TDP1: variants seen among roughly 807,000 people sequenced by gnomAD.
TDP1 encodes the protein tyr-DNA phosphodiesterase 1.
Under a neutral mutation model 81.5 loss-of-function variants are expected in TDP1, and 64 were observed. The observed-to-expected ratio is 0.79, with a 90% CI of 0.64 to 0.97. TDP1 has a LOEUF of 0.97. Among genes scored for constraint, TDP1 ranks in the 50% least tolerant of loss-of-function variants. The pLI is 0.00. For synonymous variants in TDP1, 256 were observed against 264.3 expected, an observed-to-expected ratio of 0.97 and a Z score of 0.30; for missense variants, 723 against 743.8, an observed-to-expected ratio of 0.97 and a Z score of 0.33.
intron 9 of TDP1, 45 bp downstream of exon 9, chr14:89,984,728 A>T (rs1297786354): frequency 6.2e-7 from 1 of 1,608,754 alleles, no homozygotes; most frequent in Non-Finnish European, 8.5e-7. Context: ...ATAGGCTTAT[A>T]CCTTGGGAGC....
chr14:90,032,133 A>G lies in TDP1; in HGVS notation c.1645-973A>G, dbSNP rs908465404. Among the ~76,000 whole-genome samples the G allele has an allele frequency of 5.3e-5, 8 of 152,340 alleles. No homozygotes were observed. The South Asian group carries it at 6.2e-4, about 12-fold the overall frequency. ...GTGTCGAATGAACGAATGTGCAGACATCAGTCATTTACTCAGCTTAATAAA... is the reference window on the plus strand; with the variant it reads ...GTGTCGAATGAACGAATGTGCAGACGTCAGTCATTTACTCAGCTTAATAAA... On this transcript the variant is annotated intron_variant, in intron 15 of 16. Coordinates refer to ENST00000335725, the MANE Select transcript of TDP1 (RefSeq NM_018319.4).
intron 14 of TDP1, among the ~76,000 whole-genome samples, chr14:90,012,476 A>C (rs1884821167): frequency 6.6e-6 from 1 of 150,718 alleles, no homozygotes; most frequent in Non-Finnish European, 1.5e-5. Context: ...GTTCTCCATG[A>C]GGGCCTCGTC....
rs148252548 is a variant in TDP1, at chr14:89,981,155, A to G, written c.884+523A>G. Among the ~76,000 whole-genome samples the G allele has an allele frequency of 8.5e-5, 13 of 152,328 alleles. No homozygotes were observed. In the East Asian group the frequency reaches 2.5e-3, roughly 29 times the overall value. On this transcript the variant is annotated intron_variant, in intron 8 of 16. Coordinates refer to ENST00000335725, the MANE Select transcript of TDP1 (RefSeq NM_018319.4). The stretch of plus-strand genomic sequence containing the variant: ...TGGGGTAGGGCCTGGTCATGTTAAT[A>G]GTGTGCTAAATATTTCCCCACTCCC...
Position 89,988,981 on chromosome 14 carries a change from C to G in TDP1, c.1208C>G (p.Ser403Cys). 1.2e-6 allele frequency: 2 copies of G among 1,614,148 alleles called. No individual in the cohort carries two copies. Among genetic ancestry groups the G allele is most frequent in the Non-Finnish European group, 1.7e-6 (2 of 1,180,022 alleles). ...PVVGQFSSVG[S>C]LGADESKWLC... ...GTAGGTCAGTTTTCAAGCGTTGGCTCCTTGGGAGCCGATGAATCAAAGTGG... is the reference window on the plus strand; with the variant it reads ...GTAGGTCAGTTTTCAAGCGTTGGCTGCTTGGGAGCCGATGAATCAAAGTGG... Residue 403 changes from serine to cysteine, a missense_variant, in exon 11 of 17, where the codon TCC becomes TGC. Ser to Cys is a moderately radical substitution (Grantham distance 112). Coordinates refer to ENST00000335725, the MANE Select transcript of TDP1 (RefSeq NM_018319.4).
chr14:90,011,071 A>G (rs561234365), intron 14 of TDP1, among the ~76,000 whole-genome samples: 1 of 152,098 alleles, frequency 6.6e-6, no homozygotes, highest in East Asian at 1.9e-4. Context: ...GTCTCATGAG[A>G]TCTGATGGTT....
In TDP1 at chr14:89,963,646, T is replaced by TATA; in HGVS notation, c.534_536dup (p.Asn179dup). The TATA allele has an allele frequency of 6.2e-7, 1 of 1,614,038 alleles. No individual in the cohort carries two copies. Among genetic ancestry groups the TATA allele is most frequent in the Non-Finnish European group, 8.5e-7 (1 of 1,179,948 alleles). On this transcript the variant is annotated inframe_insertion, in exon 3 of 17. Coordinates refer to ENST00000335725, the MANE Select transcript of TDP1 (RefSeq NM_018319.4). Reference sequence around the variant, plus strand: ...TAGAGTCTCTGGAGTTAAGCCAAAGTATAACTCTGGAGCCCTCCACATCAA... The same window carrying TATA: ...TAGAGTCTCTGGAGTTAAGCCAAAGTATAATAACTCTGGAGCCCTCCACATCAA...
At chr14:89,984,223 G>T (rs1734429059) in intron 8 of TDP1, 1 of 985,446 alleles carries the variant, frequency 1.0e-6, no homozygotes, top group South Asian at 4.7e-5. Flanking sequence ...GGAGCAATAA[G>T]GAAGGTTTGG....
intron 4 of TDP1, chr14:89,966,855 C>A: frequency 8.0e-6 from 3 of 372,790 alleles, no homozygotes; most frequent in Non-Finnish European, 1.1e-5. Flanking sequence ...AAGACCAGTA[C>A]AGAACTTGCA....
intron 1 of TDP1, 195 bp from the exon 2 acceptor site, chr14:89,956,383 T>C (rs1482846190): frequency 6.6e-6 from 1 of 152,228 alleles, no homozygotes; most frequent in East Asian, 1.9e-4. Context: ...CGGTACGTAG[T>C]ATAGAGTTGT....
chr14:89,960,309 TAAAA>T (rs1892175689), intron 2 of TDP1, among the ~76,000 whole-genome samples: 1 of 152,138 alleles, frequency 6.6e-6, no homozygotes, highest in Admixed American at 6.5e-5. Context: ...TAAAAACATT[TAAAA>T]AACCACCTCT....
Position 89,977,455 on chromosome 14 carries a change from G to A in TDP1, c.791+1640G>A, listed in dbSNP as rs538550966. ...TGGGACTACAGGCGTGTGCCACCAC[G>A]TCCAGCTAATTTTTGTATTTTTAGT... On this transcript the variant is annotated intron_variant, in intron 7 of 16. Coordinates refer to ENST00000335725, the MANE Select transcript of TDP1 (RefSeq NM_018319.4). Among the ~76,000 whole-genome samples the A allele has an allele frequency of 1.2e-4, 18 of 152,006 alleles. No homozygotes were observed. In the South Asian group the frequency reaches 2.7e-3, roughly 23 times the overall value.
intron 15 of TDP1, among the ~76,000 whole-genome samples, chr14:90,020,319 T>C (rs1214521211): frequency 1.3e-5 from 2 of 149,702 alleles, no homozygotes; most frequent in Non-Finnish European, 2.9e-5. Context: ...GCCCACACAA[T>C]GAGATGGCTA....
chr14:90,031,757 C>A (rs968057870), intron 15 of TDP1, among the ~76,000 whole-genome samples: 1 of 152,114 alleles, frequency 6.6e-6, no homozygotes, highest in Non-Finnish European at 1.5e-5. Context: ...TGGGCCTTTG[C>A]GGATGCTGTT....
rs1895378640 is a variant in TDP1 at position 89,984,840 on chromosome 14, T to C, written c.1052+157T>C. On this transcript the variant is annotated intron_variant, in intron 9 of 16. Transcript: ENST00000335725. ...ATGAGCAGATTCTATCACATCTGTA[T>C]CTTGTGGTTCTCAGGCATTAAAGTG... is the stretch of plus-strand genomic sequence containing the variant. 3.0e-6 allele frequency: 3 copies of C among 985,454 alleles called. No individual in the cohort carries two copies. In the South Asian group the frequency reaches 1.4e-4, roughly 46 times the overall value. The allele number at this position is 985,454 out of a possible 1,614,324, so 61.0% of individuals were successfully genotyped here. A position where few individuals can be genotyped will look rare whatever the true frequency, so the allele number is the denominator to read the frequency against.
intron 2 of TDP1, among the ~76,000 whole-genome samples, chr14:89,962,012 T>C (rs1439533582): frequency 6.6e-6 from 1 of 152,186 alleles, no homozygotes; most frequent in Non-Finnish European, 1.5e-5. Flanking sequence ...GATAGTCCTT[T>C]ACCACTGAAT....
Position 89,998,200 on chromosome 14 carries a change from C to T in TDP1, c.1541+4717C>T, listed in dbSNP as rs74968183. On this transcript the variant is annotated intron_variant, in intron 14 of 16. Coordinates refer to ENST00000335725, the MANE Select transcript of TDP1 (RefSeq NM_018319.4). ...TTTGGAAGCAAAGATCACAGGTAGC[C>T]CCATGTCATCTTAGTTCAACTTTTG... Among the ~76,000 whole-genome samples, 900 of 151,426 alleles carry T rather than the reference C, an allele frequency of 5.9e-3. 5 individuals carry two copies. Among genetic ancestry groups the T allele is most frequent in the African/African-American group, 0.021 (863 of 41,198 alleles).
intron 14 of TDP1, among the ~76,000 whole-genome samples, chr14:89,996,233 T>A (rs1465826423): frequency 1.3e-5 from 2 of 152,148 alleles, no homozygotes. Context: ...ATGTTCAGAA[T>A]TCCCCACGTC....
At chr14:89,958,067 A>G (rs1891871699) in intron 2 of TDP1, among the ~76,000 whole-genome samples, 1 of 152,184 alleles carries the variant, frequency 6.6e-6, no homozygotes, top group Non-Finnish European at 1.5e-5. Context: ...CACAGGCTCC[A>G]TGTAGGGCTT....
intron 2 of TDP1, among the ~76,000 whole-genome samples, chr14:89,957,500 A>G (rs906388530): frequency 6.6e-6 from 1 of 152,138 alleles, no homozygotes; most frequent in Non-Finnish European, 1.5e-5. Context: ...ATGTTTGCCT[A>G]TTACTGGCCA....
Sources: allele counts gnomAD v4.1 joint callset (sites outside exome capture counted in the v4.1 genomes callset), GRCh38; gene constraint gnomAD v4.1.1; transcripts MANE v1.5; gene names NCBI Gene and HGNC (gene_info 2026-07-23, HGNC 2026-07-21).